Variants in CATSPER4 observed in about 807,000 individuals in gnomAD.
The protein encoded by CATSPER4 is cation channel sperm-associated protein 4.
Under a neutral mutation model 54.4 loss-of-function variants are expected in CATSPER4, and 46 were observed. That is an observed-to-expected ratio of 0.84 (90% CI 0.67 to 1.08). The LOEUF (loss-of-function observed/expected upper bound fraction) is 1.08, where lower values mean the gene tolerates loss of function less well. Ranked by LOEUF, CATSPER4 falls within the 50% of genes least tolerant of loss-of-function variation. CATSPER4 has a pLI of 0.00. For synonymous variants in CATSPER4, 230 were observed against 231.9 expected, an observed-to-expected ratio of 0.99 and a Z score of 0.08; for missense variants, 574 against 612.8, an observed-to-expected ratio of 0.94 and a Z score of 0.67.
chr1:26,197,795 G>T lies in CATSPER4; in HGVS notation c.557+12G>T. On this transcript the variant is annotated intron_variant, in intron 4 of 9. Coordinates refer to ENST00000456354, the MANE Select transcript of CATSPER4 (RefSeq NM_198137.2). ...AACTACACTCTCAGGTGAGCGGGGAGCTCTGGAGAAATGAGGGGGACCTAT... is the reference window on the plus strand; with the variant it reads ...AACTACACTCTCAGGTGAGCGGGGATCTCTGGAGAAATGAGGGGGACCTAT... The T allele has an allele frequency of 2.5e-6, 4 of 1,610,790 alleles. No individual in the cohort carries two copies. The highest frequency in any genetic ancestry group is 3.4e-6 in the Non-Finnish European group (4 of 1,177,018).
intron 9 of CATSPER4, 89 bp from the exon 10 acceptor site, chr1:26,202,400 G>A: frequency 8.4e-7 from 1 of 1,190,718 alleles, no homozygotes; most frequent in Non-Finnish European, 1.2e-6. Context: ...GCCTGGCTGG[G>A]GAAGCTGGTG....
At chr1:26,200,178 G>C in intron 7 of CATSPER4, 120 bp downstream of exon 7, 1 of 1,175,788 alleles carries the variant, frequency 8.5e-7, no homozygotes, top group South Asian at 1.5e-5. Flanking sequence ...CCAAGTTGGA[G>C]GCCTGGAGGC....
At chr1:26,198,131 G>A in intron 5 of CATSPER4, 54 bp downstream of exon 5, 2 of 1,614,090 alleles carry the variant, frequency 1.2e-6, no homozygotes, top group Non-Finnish European at 1.7e-6. Context: ...AGGGCCCTTG[G>A]GTCATTGCAA....
At chr1:26,201,565 T>G in intron 9 of CATSPER4, 46 bp downstream of exon 9, 1 of 1,601,734 alleles carries the variant, frequency 6.2e-7, no homozygotes, top group Non-Finnish European at 8.6e-7. Flanking sequence ...CCTGACACTC[T>G]GCTCAGCCCA....
intron 6 of CATSPER4, among the ~76,000 whole-genome samples, chr1:26,199,507 G>A (rs2088981286): frequency 6.6e-6 from 1 of 150,702 alleles, no homozygotes; most frequent in Non-Finnish European, 1.5e-5. Flanking sequence ...GCTGAGGCGG[G>A]AGAACGACAT....
chr1:26,192,008 G>T (rs115927869), intron 2 of CATSPER4, among the ~76,000 whole-genome samples: 2 of 151,736 alleles, frequency 1.3e-5, no homozygotes, highest in Non-Finnish European at 2.9e-5. Flanking sequence ...AAAAGAGCAC[G>T]TAGGAGTTGG....
Position 26,202,557 on chromosome 1 carries a change from A to T in CATSPER4, c.*15A>T. ...GCAGCCACTGAGAGGCCAGGATGGG[A>T]GCCAAGGGGCCTGCACACACACACC... On this transcript the variant is annotated 3_prime_UTR_variant, in exon 10 of 10. Coordinates refer to ENST00000456354, the MANE Select transcript of CATSPER4 (RefSeq NM_198137.2). 1 of 1,607,936 alleles carries T rather than the reference A, an allele frequency of 6.2e-7. No homozygotes were observed. Among genetic ancestry groups the T allele is most frequent in the Non-Finnish European group, 8.5e-7 (1 of 1,176,632 alleles).
At position 26,202,588 on chromosome 1, in the gene CATSPER4, G is replaced by A. The variant is rs532029648; in HGVS notation, c.*46G>A. On this transcript the variant is annotated 3_prime_UTR_variant, in exon 10 of 10. Coordinates refer to ENST00000456354, the MANE Select transcript of CATSPER4 (RefSeq NM_198137.2). ...GGGGCCTGCACACACACACCCAGCC[G>A]CTGCGTCTTCCTGTGTCCTTAGTGT... is the stretch of plus-strand genomic sequence containing the variant. 5.0e-5 allele frequency: 77 copies of A among 1,545,032 alleles called. 1 individual carries two copies. The South Asian group carries it at 7.4e-4, about 15-fold the overall frequency.
In CATSPER4 at chr1:26,196,402, C is replaced by CTTT. The variant is rs58507291; in HGVS notation, c.460-1260_460-1258dup. On this transcript the variant is annotated intron_variant, in intron 3 of 9. Transcript: ENST00000456354. The stretch of plus-strand genomic sequence containing the variant: ...CATTTGACACGTTGGTTTTCTTTTC[C>CTTT]TTTTTTTTTTTTTTTTTTTTTTTTT... Among the ~76,000 whole-genome samples, 45 of 82,444 alleles carry CTTT rather than the reference C, an allele frequency of 5.5e-4. 4 individuals are homozygous for CTTT. Among genetic ancestry groups the CTTT allele is most frequent in the African/African-American group, 1.9e-3 (40 of 21,066 alleles). The allele number at this position is 82,444 out of a possible 152,430, so 54.1% of individuals were successfully genotyped here. A position where few individuals can be genotyped will look rare whatever the true frequency, so the allele number is the denominator to read the frequency against.
At chr1:26,196,402 C>CTT (rs58507291) in intron 3 of CATSPER4, among the ~76,000 whole-genome samples, 23 of 82,446 alleles carry the variant, frequency 2.8e-4, no homozygotes, top group East Asian at 9.7e-4. Flanking sequence ...TTTTCTTTTC[C>CTT]TTTTTTTTTT....
At chr1:26,193,622 C>T (rs551561657) in intron 2 of CATSPER4, among the ~76,000 whole-genome samples, 165 bp from the exon 3 acceptor site, 34 of 152,292 alleles carry the variant, frequency 2.2e-4, no homozygotes, top group African/African-American at 5.3e-4. Flanking sequence ...GTGCCTGGCA[C>T]GCACAGGCAA....
chr1:26,198,033 C>A lies in CATSPER4; in HGVS notation c.634C>A (p.Pro212Thr). Reference protein sequence around the residue: ...RIIRVILQSVPDMANIMVLIL... With the variant: ...RIIRVILQSVTDMANIMVLIL... ...CATCCGCGTCATCCTGCAGTCGGTG[C>A]CTGACATGGCCAATATCATGGTCCT... Residue 212 changes from proline (P) to threonine (T), a missense_variant, in exon 5 of 10, where the codon CCT becomes ACT. Physicochemically the swap from Pro to Thr is conservative, Grantham distance 38 (BLOSUM62 -1). Coordinates refer to ENST00000456354, the MANE Select transcript of CATSPER4 (RefSeq NM_198137.2). The A allele has an allele frequency of 6.2e-7, 1 of 1,614,010 alleles. No homozygotes were observed.
rs758595560 is a variant in CATSPER4 at position 26,191,471 on chromosome 1, G to A, written c.357+41G>A. On this transcript the variant is annotated intron_variant, in intron 2 of 9. Transcript: ENST00000456354. ...GACCTCTGCCCCACTAACCCTAATG[G>A]GGGGCCTGGGGCAAGAACTCTTCCG... 1.3e-5 allele frequency: 21 copies of A among 1,607,726 alleles called. 1 individual carries two copies. The South Asian group carries it at 1.5e-4, about 12-fold the overall frequency.
intron 8 of CATSPER4, 152 bp from the exon 9 acceptor site, chr1:26,201,202 G>T: frequency 1.0e-6 from 1 of 975,670 alleles, no homozygotes; most frequent in Non-Finnish European, 1.6e-6. Flanking sequence ...CAGACTCCAG[G>T]TTCCTTCCAT....
chr1:26,191,874 G>A (rs1163123013), intron 2 of CATSPER4, among the ~76,000 whole-genome samples: 1 of 152,116 alleles, frequency 6.6e-6, no homozygotes, highest in Non-Finnish European at 1.5e-5. Flanking sequence ...AGTACATGGA[G>A]GCTCAACGAA....
intron 3 of CATSPER4, among the ~76,000 whole-genome samples, chr1:26,196,632 A>G (rs1348120471): frequency 6.6e-6 from 1 of 151,796 alleles, no homozygotes; most frequent in African/African-American, 2.4e-5. Context: ...GCTGGTCTGG[A>G]ACTCCTGAGC....
At chr1:26,201,272 G>A (rs959618107) in intron 8 of CATSPER4, 82 bp from the exon 9 acceptor site, 2 of 1,456,544 alleles carry the variant, frequency 1.4e-6, no homozygotes, top group African/African-American at 2.8e-5. Context: ...AGAGCGAAGC[G>A]GGGGTGACGC....
intron 2 of CATSPER4, among the ~76,000 whole-genome samples, chr1:26,192,139 T>G (rs920544672): frequency 6.6e-6 from 1 of 151,454 alleles, no homozygotes; most frequent in African/African-American, 2.4e-5. Flanking sequence ...CTTTTTTTTT[T>G]TTTTTAGAGA....
chr1:26,201,204 T>G, intron 8 of CATSPER4, 150 bp from the exon 9 acceptor site: 1 of 970,642 alleles, frequency 1.0e-6, no homozygotes, highest in African/African-American at 1.6e-5. Flanking sequence ...GACTCCAGGT[T>G]CCTTCCATCT....
Sources: gnomAD v4.1 joint callset for allele counts (sites outside exome capture counted in the v4.1 genomes callset) on GRCh38, gnomAD v4.1.1 for gene constraint, MANE v1.5 for transcripts, NCBI Gene and HGNC (gene_info 2026-07-23, HGNC 2026-07-21) for gene names.